Variants in PPFIA2 observed in about 807,000 individuals in gnomAD.
PPFIA2 encodes liprin-alpha-2.
In PPFIA2, 46 loss-of-function variants were observed where a neutral mutation model predicts 175.5. The observed-to-expected ratio is 0.26, with a 90% CI of 0.21 to 0.34. PPFIA2 has a LOEUF of 0.34. Among genes scored for constraint, PPFIA2 ranks in the 10% least tolerant of loss-of-function variants. The pLI, the probability that PPFIA2 is intolerant of heterozygous loss-of-function variation, is 1.00. For missense variants in PPFIA2, 1,179 were observed against 1,506.1 expected (o/e 0.78, Z 3.60); for synonymous variants, 568 against 511.4 (o/e 1.11, Z -1.49).
At chr12:81,462,438 G>T (rs992469043) in intron 4 of PPFIA2, among the ~76,000 whole-genome samples, 2 of 147,016 alleles carry the variant, frequency 1.4e-5, no homozygotes, top group Non-Finnish European at 3.0e-5. Context: ...TATGAATAAA[G>T]TTTCCTTCTA....
chr12:81,344,102 C>G (rs988159169), intron 19 of PPFIA2, among the ~76,000 whole-genome samples: 17 of 152,142 alleles, frequency 1.1e-4, no homozygotes, highest in African/African-American at 4.1e-4. Flanking sequence ...TCCTAACCTG[C>G]TTATCCTGCC....
At chr12:81,354,949 G>A (rs940678063) in intron 16 of PPFIA2, among the ~76,000 whole-genome samples, 13 of 152,142 alleles carry the variant, frequency 8.5e-5, no homozygotes, top group African/African-American at 3.1e-4. Context: ...GATCAAGGTT[G>A]ATGTTTTGAC....
rs547990886 is a variant in PPFIA2, at chr12:81,259,602, A to C, written c.*92T>G. The C allele has an allele frequency of 1.6e-4, 251 of 1,525,944 alleles. No individual in the cohort carries two copies. Among genetic ancestry groups the C allele is most frequent in the South Asian group, 5.8e-4 (49 of 83,778 alleles). 94.5% of individuals were successfully genotyped at this position (1,525,944 alleles called of 1,614,324 possible). On this transcript the variant is annotated 3_prime_UTR_variant, in exon 33 of 33. Coordinates refer to ENST00000549396, the MANE Select transcript of PPFIA2 (RefSeq NM_003625.5). ...GAATTCAGTTTTCACAAAGGTTTTCACTGCTCGTCTTCTTAGATGGTAGTG... is the reference window on the plus strand; with the variant it reads ...GAATTCAGTTTTCACAAAGGTTTTCCCTGCTCGTCTTCTTAGATGGTAGTG...
intron 3 of PPFIA2, among the ~76,000 whole-genome samples, chr12:81,693,093 A>C (rs1487005045): frequency 6.6e-6 from 1 of 152,120 alleles, no homozygotes; most frequent in Non-Finnish European, 1.5e-5. Flanking sequence ...CACATAATGA[A>C]AATATCTATC....
chr12:81,459,323 T>C (rs1178316729), intron 4 of PPFIA2, among the ~76,000 whole-genome samples: 1 of 152,162 alleles, frequency 6.6e-6, no homozygotes, highest in Admixed American at 6.6e-5. Context: ...ATATACAGCA[T>C]AGTTTTGATA....
intron 3 of PPFIA2, among the ~76,000 whole-genome samples, chr12:81,721,452 A>AAC (rs140887410): frequency 0.15 from 22,537 of 148,974 alleles, 1,815 homozygotes; most frequent in Middle Eastern, 0.23. Flanking sequence ...CACACACATA[A>AAC]ACACACACAC....
intron 19 of PPFIA2, among the ~76,000 whole-genome samples, chr12:81,343,146 T>C (rs1035808136): frequency 6.6e-6 from 1 of 152,104 alleles, no homozygotes; most frequent in African/African-American, 2.4e-5. Flanking sequence ...CTTTTCTTAA[T>C]GTAGTCTTTT....
chr12:81,470,794 A>G (rs1426608043), intron 4 of PPFIA2, among the ~76,000 whole-genome samples: 1 of 152,212 alleles, frequency 6.6e-6, no homozygotes, highest in Non-Finnish European at 1.5e-5. Context: ...CAGATTTCTA[A>G]GTACACAATA....
chr12:81,551,865 A>G (rs2067984159), intron 4 of PPFIA2, among the ~76,000 whole-genome samples: 1 of 151,984 alleles, frequency 6.6e-6, no homozygotes, highest in African/African-American at 2.4e-5. Flanking sequence ...ACAAGGTGAT[A>G]CTGTGGAATC....
intron 3 of PPFIA2, among the ~76,000 whole-genome samples, chr12:81,726,311 C>T (rs988986536): frequency 2.6e-5 from 4 of 151,178 alleles, no homozygotes; most frequent in Non-Finnish European, 5.9e-5. Context: ...TCCTTGAAAA[C>T]ATCCTGATAT....
At position 81,470,455 on chromosome 12, in the gene PPFIA2, A is replaced by T. The variant is rs1219971122; in HGVS notation, c.304-12589T>A. On this transcript the variant is annotated intron_variant, in intron 4 of 32. Transcript: ENST00000549396. The stretch of plus-strand genomic sequence containing the variant: ...ATTGGCAAAGATGCAGAGGAGCCTC[A>T]TACACTGCTGGTGGGAGTGTAATAT... 5.3e-5 allele frequency among the ~76,000 whole-genome samples: 8 copies of T among 152,352 alleles called. No homozygotes were observed. In the South Asian group the frequency reaches 1.0e-3, roughly 20 times the overall value.
At chr12:81,466,876 T>C (rs1477913307) in intron 4 of PPFIA2, among the ~76,000 whole-genome samples, 1 of 147,202 alleles carries the variant, frequency 6.8e-6, no homozygotes, top group Non-Finnish European at 1.5e-5. Context: ...ATTTTTAATA[T>C]ATATAATATA....
At chr12:81,384,842 C>T (rs555395099) in intron 8 of PPFIA2, among the ~76,000 whole-genome samples, 1 of 152,154 alleles carries the variant, frequency 6.6e-6, no homozygotes, top group South Asian at 2.1e-4. Flanking sequence ...ATCATGTGTG[C>T]ACACAACTCA....
At chr12:81,561,981 G>A (rs2153394305) in intron 4 of PPFIA2, among the ~76,000 whole-genome samples, 1 of 152,252 alleles carries the variant, frequency 6.6e-6, no homozygotes, top group South Asian at 2.1e-4. Context: ...AATACTTCAT[G>A]TTCACATTTA....
intron 24 of PPFIA2, among the ~76,000 whole-genome samples, chr12:81,290,756 T>C (rs1218497373): frequency 1.3e-5 from 2 of 151,764 alleles, no homozygotes; most frequent in Non-Finnish European, 3.0e-5. Context: ...AATTTAACAA[T>C]TAAAGTTTAA....
At chr12:81,427,597 A>T (rs1298032651) in intron 7 of PPFIA2, among the ~76,000 whole-genome samples, 1 of 152,058 alleles carries the variant, frequency 6.6e-6, no homozygotes, top group East Asian at 1.9e-4. Context: ...CAAGAAGAAG[A>T]TTTCAAAATA....
intron 4 of PPFIA2, among the ~76,000 whole-genome samples, chr12:81,647,430 G>C (rs2066279090): frequency 6.6e-6 from 1 of 152,026 alleles, no homozygotes; most frequent in South Asian, 2.1e-4. Context: ...AATGATAAGA[G>C]GAAAAGCGTA....
Position 81,258,853 on chromosome 12 carries a change from T to A in PPFIA2, c.*841A>T, listed in dbSNP as rs1466966246. The A allele has an allele frequency of 2.0e-5, 3 of 150,216 alleles. No individual in the cohort carries two copies. The highest frequency in any genetic ancestry group is 1.3e-4 in the Admixed American group (2 of 15,148). The allele number at this position is 150,216 out of a possible 1,614,324, so 9.3% of individuals were successfully genotyped here. ...GAACATGTGGTTCTTAGTAAAGAAGTTTTTTTATCTTTTTTTTTTTCTTGG... is the reference window on the plus strand; with the variant it reads ...GAACATGTGGTTCTTAGTAAAGAAGATTTTTTATCTTTTTTTTTTTCTTGG... On this transcript the variant is annotated 3_prime_UTR_variant, in exon 33 of 33. Coordinates refer to ENST00000549396, the MANE Select transcript of PPFIA2 (RefSeq NM_003625.5).
intron 3 of PPFIA2, among the ~76,000 whole-genome samples, chr12:81,728,719 G>A (rs1055527465): frequency 3.3e-5 from 5 of 151,412 alleles, no homozygotes; most frequent in African/African-American, 1.2e-4. Flanking sequence ...GCAGAAGACA[G>A]ATTTCCTTGC....
Sources: allele counts gnomAD v4.1 joint callset (sites outside exome capture counted in the v4.1 genomes callset), GRCh38; gene constraint gnomAD v4.1.1; transcripts MANE v1.5; gene names NCBI Gene and HGNC (gene_info 2026-07-23, HGNC 2026-07-21).